Variants in CPE observed in about 807,000 individuals in gnomAD.
CPE encodes the protein carbocypeptidase E.
Under a neutral mutation model 53.5 loss-of-function variants are expected in CPE, and 17 were observed. The observed-to-expected ratio is 0.32, with a 90% CI of 0.22 to 0.48. The LOEUF (loss-of-function observed/expected upper bound fraction) is 0.48, where lower values mean the gene tolerates loss of function less well. CPE is among the 20% of genes least tolerant of loss of function. The pLI is 0.99. For synonymous variants in CPE, 226 were observed against 228.8 expected (o/e 0.99, Z 0.11); for missense variants, 524 against 614.7 (o/e 0.85, Z 1.56).
intron 1 of CPE, among the ~76,000 whole-genome samples, chr4:165,419,888 C>CT (rs747814399): frequency 6.6e-5 from 10 of 152,180 alleles, no homozygotes; most frequent in Non-Finnish European, 1.5e-4. Flanking sequence ...AATCTAAACT[C>CT]TATTTTCTGC....
Position 165,474,461 on chromosome 4 carries a change from A to G in CPE, c.672+6606A>G, listed in dbSNP as rs966465815. On this transcript the variant is annotated intron_variant, in intron 3 of 8. Coordinates refer to ENST00000402744, the MANE Select transcript of CPE (RefSeq NM_001873.4). Reference sequence around the variant, plus strand: ...CTGTAAAGAGGGAACAGAGGAGAAAAAAAAGGAAAAAGGAAAACAAAGGCA... The same window carrying G: ...CTGTAAAGAGGGAACAGAGGAGAAAGAAAAGGAAAAAGGAAAACAAAGGCA... Among the ~76,000 whole-genome samples the G allele has an allele frequency of 2.0e-5, 3 of 152,204 alleles. 1 individual carries two copies. In the South Asian group the frequency reaches 6.2e-4, roughly 32 times the overall value.
At chr4:165,428,121 C>T (rs1731352740) in intron 1 of CPE, among the ~76,000 whole-genome samples, 1 of 152,188 alleles carries the variant, frequency 6.6e-6, no homozygotes, top group Non-Finnish European at 1.5e-5. Context: ...CCTCAAACTT[C>T]TAGGCTCAAG....
At chr4:165,425,276 T>C (rs1015148276) in intron 1 of CPE, among the ~76,000 whole-genome samples, 4 of 138,324 alleles carry the variant, frequency 2.9e-5, no homozygotes, top group Admixed American at 2.1e-4. Flanking sequence ...TTAATATTTG[T>C]TGGTTTTTTG....
intron 3 of CPE, among the ~76,000 whole-genome samples, chr4:165,469,448 C>T (rs943662074): frequency 6.6e-6 from 1 of 152,144 alleles, no homozygotes; most frequent in African/African-American, 2.4e-5. Flanking sequence ...CTTCGATACC[C>T]TATAGACTCA....
At chr4:165,442,042 T>TTG (rs1195803236) in intron 1 of CPE, among the ~76,000 whole-genome samples, 2,525 of 103,298 alleles carry the variant, frequency 0.024, 105 homozygotes, top group African/African-American at 0.092. Context: ...TTTTGTTTTT[T>TTG]TTTTGTTTTT....
intron 1 of CPE, among the ~76,000 whole-genome samples, chr4:165,419,070 A>G (rs1731167478): frequency 6.6e-6 from 1 of 152,202 alleles, no homozygotes; most frequent in African/African-American, 2.4e-5. Context: ...GAGGAATCAA[A>G]TAAGCCAGGG....
intron 1 of CPE, among the ~76,000 whole-genome samples, chr4:165,440,183 G>A (rs1184251021): frequency 6.6e-6 from 1 of 152,108 alleles, no homozygotes; most frequent in Non-Finnish European, 1.5e-5. Flanking sequence ...CTCCTGCTGT[G>A]AAGGCTTTAA....
At chr4:165,422,778 C>T (rs891001900) in intron 1 of CPE, among the ~76,000 whole-genome samples, 1 of 151,982 alleles carries the variant, frequency 6.6e-6, no homozygotes, top group Non-Finnish European at 1.5e-5. Context: ...GAGATAGAGA[C>T]CATCCTGGCC....
chr4:165,476,980 A>G (rs943308613), intron 3 of CPE, among the ~76,000 whole-genome samples: 13 of 152,212 alleles, frequency 8.5e-5, no homozygotes, highest in Non-Finnish European at 1.8e-4. Context: ...AACTTCTGGA[A>G]GCGGAGTCCC....
intron 1 of CPE, among the ~76,000 whole-genome samples, chr4:165,382,309 G>A (rs920248776): frequency 6.6e-5 from 10 of 152,170 alleles, no homozygotes; most frequent in African/African-American, 1.9e-4. Context: ...AAAATAGCTG[G>A]TATAGATATC....
At chr4:165,489,441 G>A (rs868290748) in intron 6 of CPE, among the ~76,000 whole-genome samples, 4 of 152,158 alleles carry the variant, frequency 2.6e-5, no homozygotes, top group African/African-American at 9.7e-5. Flanking sequence ...CTTCACACGA[G>A]TGCTGTCAGA....
intron 1 of CPE, among the ~76,000 whole-genome samples, chr4:165,447,336 C>G (rs1315025540): frequency 2.6e-5 from 4 of 151,976 alleles, no homozygotes; most frequent in Admixed American, 2.6e-4. Context: ...TTTGGGAGAC[C>G]GAGGCGGGCA....
intron 3 of CPE, among the ~76,000 whole-genome samples, chr4:165,475,202 A>C (rs1732275099): frequency 6.6e-6 from 1 of 152,224 alleles, no homozygotes; most frequent in African/African-American, 2.4e-5. Context: ...AAAAAAGCAA[A>C]TAAGTGAGAT....
intron 1 of CPE, among the ~76,000 whole-genome samples, chr4:165,444,196 T>C (rs557365770): frequency 7.2e-5 from 11 of 152,106 alleles, no homozygotes; most frequent in Non-Finnish European, 1.5e-4. Flanking sequence ...CACATTATAG[T>C]AGAGGAAACT....
intron 1 of CPE, among the ~76,000 whole-genome samples, chr4:165,443,873 T>C (rs953768165): frequency 3.9e-5 from 6 of 152,146 alleles, no homozygotes; most frequent in Non-Finnish European, 7.3e-5. Flanking sequence ...GCTGAATCCT[T>C]ATGAATGGGA....
At chr4:165,401,233 C>T (rs184225153) in intron 1 of CPE, among the ~76,000 whole-genome samples, 22 of 152,276 alleles carry the variant, frequency 1.4e-4, no homozygotes, top group African/African-American at 5.3e-4. Context: ...TTGGTTTCTT[C>T]TCTTCGTTAC....
At chr4:165,414,687 A>G (rs973121572) in intron 1 of CPE, among the ~76,000 whole-genome samples, 1 of 136,400 alleles carries the variant, frequency 7.3e-6, no homozygotes, top group Non-Finnish European at 1.6e-5. Context: ...ATAAAGTAAT[A>G]TATATATATA....
At chr4:165,386,323 A>G (rs1263395859) in intron 1 of CPE, 1 of 486,944 alleles carries the variant, frequency 2.1e-6, no homozygotes, top group East Asian at 6.1e-5. Flanking sequence ...CTAGGATTGT[A>G]TTTTGTTTAT....
chr4:165,459,181 A>G (rs28635415), intron 1 of CPE, among the ~76,000 whole-genome samples: 3,758 of 152,284 alleles, frequency 0.025, 149 homozygotes, highest in African/African-American at 0.08. Context: ...ATTAATACAA[A>G]TTGGGGCAAA....
Sources: gnomAD v4.1 joint callset for allele counts (sites outside exome capture counted in the v4.1 genomes callset) on GRCh38, gnomAD v4.1.1 for gene constraint, MANE v1.5 for transcripts, NCBI Gene and HGNC (gene_info 2026-07-23, HGNC 2026-07-21) for gene names.